MESD: variants seen among roughly 807,000 people sequenced by gnomAD.
MESD encodes the protein LRP chaperone MESD.
A neutral mutation model predicts 12.9 loss-of-function variants in MESD; 7 were observed. The observed-to-expected ratio is 0.54, with a 90% CI of 0.31 to 1.02. The LOEUF (loss-of-function observed/expected upper bound fraction) is 1.02, where lower values mean the gene tolerates loss of function less well. MESD is among the 50% of genes least tolerant of loss of function. The pLI is 0.05. For synonymous variants in MESD, 126 were observed against 115.6 expected (o/e 1.09, Z -0.58); for missense variants, 342 against 296.7 (o/e 1.15, Z -1.12).
At chr15:80,949,193 T>C in intron 4 of MESD, 1 of 497,840 alleles carries the variant, frequency 2.0e-6, no homozygotes, top group Non-Finnish European at 3.7e-6. Flanking sequence ...TTCTCTCCTA[T>C]CTGTGCCTCT....
At chr15:80,971,142 C>T (rs964464640), downstream of MESD, among the ~76,000 whole-genome samples, 3 of 152,184 alleles carry the variant, frequency 2.0e-5, no homozygotes, top group Admixed American at 1.3e-4. Context: ...TCAACTGCTA[C>T]CCCAGAGGAT....
At chr15:80,951,480 T>C (rs370617493) in intron 4 of MESD, 3 of 152,664 alleles carry the variant, frequency 2.0e-5, no homozygotes, top group Admixed American at 1.3e-4. Context: ...TCTGAAATGC[T>C]TGTCTTTTTT....
At chr15:80,973,309 T>C (rs1902331086), downstream of MESD, among the ~76,000 whole-genome samples, 2 of 152,126 alleles carry the variant, frequency 1.3e-5, no homozygotes, top group Admixed American at 1.3e-4. Flanking sequence ...CCCAGGAGTT[T>C]TGACAGCAGG....
At position 80,987,890 on chromosome 15, in the gene MESD, C is replaced by T. The variant is rs369847721; in HGVS notation, c.213+1689G>A. Among the ~76,000 whole-genome samples the T allele has an allele frequency of 1.2e-4, 18 of 152,228 alleles. No homozygotes were observed. In the East Asian group the frequency reaches 2.1e-3, roughly 18 times the overall value. ...CCGTAATCCCAACACTTTGGGAAGC[C>T]AAGGTGGGAGGACTGCAAAGGCCAA... On this transcript the variant is annotated intron_variant, in intron 1 of 2. Transcript: ENST00000261758.
At chr15:80,953,466 T>C (rs1175256632) in intron 3 of MESD, among the ~76,000 whole-genome samples, 1 of 152,032 alleles carries the variant, frequency 6.6e-6, no homozygotes, top group African/African-American at 2.4e-5. Context: ...GTCCCTGCAA[T>C]AGTCACCAGA....
At chr15:80,955,489 A>G (rs1181464676) in intron 3 of MESD, among the ~76,000 whole-genome samples, 1 of 145,856 alleles carries the variant, frequency 6.9e-6, no homozygotes, top group Non-Finnish European at 1.5e-5. Flanking sequence ...CTCCGTCTCA[A>G]AAAAAAAAAA....
chr15:80,946,686 G>A (rs958269590), downstream of MESD: 3 of 458,118 alleles, frequency 6.5e-6, no homozygotes, highest in African/African-American at 5.9e-5. Context: ...TCTGTTTGGA[G>A]AGAGACATGT....
At chr15:80,961,532 T>A (rs1021540937) in intron 3 of MESD, among the ~76,000 whole-genome samples, 2 of 152,122 alleles carry the variant, frequency 1.3e-5, no homozygotes, top group Non-Finnish European at 2.9e-5. Context: ...TTGGTGCAAA[T>A]TTTCTGTAAA....
exon 5 of MESD, chr15:80,947,442 A>G (rs1901606658): frequency 3.8e-6 from 1 of 265,040 alleles, no homozygotes; most frequent in South Asian, 4.7e-5. Flanking sequence ...ATCTTCTTCA[A>G]CATTCTAGCT....
At chr15:80,981,588 G>T (rs1902580213) in intron 2 of MESD, among the ~76,000 whole-genome samples, 1 of 152,144 alleles carries the variant, frequency 6.6e-6, no homozygotes, top group Non-Finnish European at 1.5e-5. Context: ...AGGTGTGGTG[G>T]CTCACGCCTG....
At chr15:80,988,657 C>G (rs1366461041) in intron 1 of MESD, among the ~76,000 whole-genome samples, 1 of 152,196 alleles carries the variant, frequency 6.6e-6, no homozygotes, top group Non-Finnish European at 1.5e-5. Flanking sequence ...GAAAGTCTTT[C>G]CCTTCTCCCG....
intron 3 of MESD, among the ~76,000 whole-genome samples, chr15:80,960,402 CTCTT>C (rs1191254695): frequency 7.3e-6 from 1 of 137,218 alleles, no homozygotes; most frequent in Non-Finnish European, 1.6e-5. Flanking sequence ...AAAAAAAAAA[CTCTT>C]TCCCAGTTTG....
chr15:80,986,680 G>A lies in MESD; in HGVS notation c.213+2899C>T, dbSNP rs116316483. On this transcript the variant is annotated intron_variant, in intron 1 of 2. Coordinates refer to ENST00000261758, the MANE Select transcript of MESD (RefSeq NM_015154.3). ...TCCAGTCTTTACCCTGAGGCAGAGC[G>A]GGGGGCCAGGGACAAGTCAGGCAGT... Among the ~76,000 whole-genome samples the A allele has an allele frequency of 2.6e-3, 403 of 152,264 alleles. 2 individuals carry two copies. The highest frequency in any genetic ancestry group is 9.1e-3 in the African/African-American group (378 of 41,540).
intron 3 of MESD, chr15:80,953,155 G>C: frequency 2.2e-6 from 1 of 448,492 alleles, no homozygotes; most frequent in Non-Finnish European, 4.5e-6. Context: ...TCAGTCATGA[G>C]AGGCAAAGTG....
At chr15:80,948,857 C>T (rs56060485) in exon 5 of MESD, 8 of 1,614,092 alleles carry the variant, frequency 5.0e-6, no homozygotes, top group African/African-American at 1.3e-5. Flanking sequence ...ACACTGGACA[C>T]TGAGGATCAC....
chr15:80,952,953 G>A (rs1215222387), intron 3 of MESD: 5 of 455,884 alleles, frequency 1.1e-5, no homozygotes, highest in Admixed American at 7.0e-5. Flanking sequence ...AATGAGTGGT[G>A]TGGCAGGCTT....
intron 3 of MESD, chr15:80,953,041 G>A: frequency 4.4e-6 from 2 of 456,124 alleles, no homozygotes; most frequent in South Asian, 3.1e-5. Context: ...GTTGGCCTGA[G>A]AGTCAGAGAT....
chr15:80,979,940 A>T (rs1399248535), intron 2 of MESD, among the ~76,000 whole-genome samples: 1 of 152,214 alleles, frequency 6.6e-6, no homozygotes, highest in Non-Finnish European at 1.5e-5. Flanking sequence ...AGAGGCTATG[A>T]AGGACTCAAG....
intron 4 of MESD, chr15:80,950,239 A>C (rs1177710330): frequency 6.6e-6 from 1 of 152,286 alleles, no homozygotes; most frequent in Admixed American, 6.5e-5. Context: ...CAGATGGGGA[A>C]AGTGAGCCCC....
Sources: allele counts gnomAD v4.1 joint callset (sites outside exome capture counted in the v4.1 genomes callset), GRCh38; gene constraint gnomAD v4.1.1; transcripts MANE v1.5; gene names NCBI Gene and HGNC (gene_info 2026-07-23, HGNC 2026-07-21).